The following STARD13 variants were observed in gnomAD, a reference collection of about 807,000 sequenced individuals.
The protein encoded by STARD13 is stAR-related lipid transfer protein 13.
A neutral mutation model predicts 106.4 loss-of-function variants in STARD13; 62 were observed. The ratio of observed to expected loss-of-function variants is 0.58; its 90% CI spans 0.48 to 0.72. The LOEUF (loss-of-function observed/expected upper bound fraction) is 0.72, where lower values mean the gene tolerates loss of function less well. STARD13 is among the 30% of genes least tolerant of loss of function. The pLI is 0.00. For missense variants in STARD13, 1,387 were observed against 1,424.0 expected (o/e 0.97, Z 0.42); for synonymous variants, 565 against 553.0 (o/e 1.02, Z -0.31).
chr13:33,269,847 T>C (rs1227540935), intron 1 of STARD13, among the ~76,000 whole-genome samples: 1 of 152,200 alleles, frequency 6.6e-6, no homozygotes, highest in Non-Finnish European at 1.5e-5. Flanking sequence ...TAATTAATTA[T>C]ATACATTCGC....
chr13:33,111,741 G>T, intron 10 of STARD13, 37 bp downstream of exon 10: 1 of 1,262,664 alleles, frequency 7.9e-7, no homozygotes, highest in Non-Finnish European at 1.2e-6. Flanking sequence ...AGTTCCAAGA[G>T]CTACTAGGGA....
chr13:33,395,745 A>T, the STARD13 span, among the ~76,000 whole-genome samples: 4 of 152,224 alleles, frequency 2.6e-5, no homozygotes, highest in Admixed American at 2.6e-4. Flanking sequence ...ACTATTTATT[A>T]ATAAGTTTAT....
At chr13:33,197,409 A>T (rs1886702502) in intron 1 of STARD13, among the ~76,000 whole-genome samples, 1 of 119,160 alleles carries the variant, frequency 8.4e-6, no homozygotes, top group Non-Finnish European at 1.7e-5. Context: ...TAGACAAAGG[A>T]AGAGAGTTGT....
chr13:33,108,328 T>C (rs1220696419), intron 12 of STARD13, among the ~76,000 whole-genome samples: 2 of 152,200 alleles, frequency 1.3e-5, no homozygotes, highest in Non-Finnish European at 2.9e-5. Context: ...ATTCCTGTTG[T>C]TGGGAACCAG....
At chr13:33,248,197 C>T (rs906739567) in intron 1 of STARD13, among the ~76,000 whole-genome samples, 2 of 151,932 alleles carry the variant, frequency 1.3e-5, no homozygotes, top group East Asian at 3.9e-4. Context: ...TCCAGGAGTT[C>T]AAGACCAGCC....
At chr13:33,220,087 T>C (rs1379997981) in intron 1 of STARD13, among the ~76,000 whole-genome samples, 1 of 152,224 alleles carries the variant, frequency 6.6e-6, no homozygotes, top group South Asian at 2.1e-4. Context: ...AGGGATGTTT[T>C]TCTGTTTTGG....
intron 1 of STARD13, among the ~76,000 whole-genome samples, chr13:33,192,871 G>A (rs559227072): frequency 2.6e-5 from 4 of 151,966 alleles, no homozygotes; most frequent in African/African-American, 4.8e-5. Flanking sequence ...GCACTCCAGC[G>A]TGGGCAAAAA....
intron 1 of STARD13, among the ~76,000 whole-genome samples, chr13:33,307,491 G>A (rs1215199090): frequency 2.6e-5 from 4 of 152,140 alleles, no homozygotes; most frequent in Admixed American, 1.3e-4. Context: ...AAAAAGAAAC[G>A]AGATCATGTC....
At chr13:33,425,427 C>T in the STARD13 span, among the ~76,000 whole-genome samples, 32 of 152,268 alleles carry the variant, frequency 2.1e-4, no homozygotes, top group Non-Finnish European at 3.4e-4. Flanking sequence ...CCCTGAAGGG[C>T]CAGGGTGCTC....
chr13:33,555,582 CCT>C, the STARD13 span, among the ~76,000 whole-genome samples: 1 of 152,148 alleles, frequency 6.6e-6, no homozygotes, highest in Non-Finnish European at 1.5e-5. Context: ...GCTGTTCGTT[CCT>C]CTGTAGTCCA....
At chr13:33,371,833 A>G in the STARD13 span, among the ~76,000 whole-genome samples, 1 of 152,246 alleles carries the variant, frequency 6.6e-6, no homozygotes, top group African/African-American at 2.4e-5. Flanking sequence ...ATACAATACC[A>G]TATTTCTTCT....
the STARD13 span, among the ~76,000 whole-genome samples, chr13:33,440,221 G>C: frequency 6.6e-6 from 1 of 151,236 alleles, no homozygotes; most frequent in African/African-American, 2.4e-5. Context: ...AGAGGTTGCA[G>C]TGAACCGTGA....
At chr13:33,106,324 G>A (rs1241780504) in intron 13 of STARD13, among the ~76,000 whole-genome samples, 1 of 152,220 alleles carries the variant, frequency 6.6e-6, no homozygotes, top group Non-Finnish European at 1.5e-5. Flanking sequence ...GGGAGGCTGA[G>A]GAGGGAGGAT....
the STARD13 span, among the ~76,000 whole-genome samples, chr13:33,366,895 T>TG: frequency 6.6e-6 from 1 of 152,246 alleles, no homozygotes; most frequent in Non-Finnish European, 1.5e-5. The surrounding 1 kb of genome is among the most constrained non-coding windows in gnomAD (Gnocchi z 4.2). Flanking sequence ...AGCTTATTGC[T>TG]GGGGGTTCAA....
At chr13:33,125,009 G>C (rs1876948577) in intron 7 of STARD13, among the ~76,000 whole-genome samples, 1 of 152,128 alleles carries the variant, frequency 6.6e-6, no homozygotes, top group Non-Finnish European at 1.5e-5. Context: ...GGGACAAAGG[G>C]GAACACACAT....
At chr13:33,557,855 A>G in the STARD13 span, among the ~76,000 whole-genome samples, 62 of 152,332 alleles carry the variant, frequency 4.1e-4, 1 homozygote, top group South Asian at 7.9e-3. Flanking sequence ...CTCAGAGGCC[A>G]TAGAGAATTT....
At chr13:33,374,645 A>T in the STARD13 span, among the ~76,000 whole-genome samples, 1 of 152,160 alleles carries the variant, frequency 6.6e-6, no homozygotes, top group Admixed American at 6.5e-5. Flanking sequence ...TTCATGGAGT[A>T]TATAGTTGCT....
the STARD13 span, among the ~76,000 whole-genome samples, chr13:33,557,653 T>A: frequency 2.0e-5 from 3 of 152,246 alleles, no homozygotes; most frequent in Non-Finnish European, 4.4e-5. Flanking sequence ...ATTTTTTAAC[T>A]GTTTTTATTG....
the STARD13 span, among the ~76,000 whole-genome samples, chr13:33,540,185 A>ATGCACGAATTTCT: frequency 6.6e-5 from 10 of 152,308 alleles, no homozygotes; most frequent in African/African-American, 2.2e-4. Context: ...TAAATATATT[A>ATGCACGAATTTCT]TGCACGAATT....
Sources: gnomAD v4.1 joint callset for allele counts (sites outside exome capture counted in the v4.1 genomes callset) on GRCh38, gnomAD v4.1.1 for gene constraint, Gnocchi (gnomAD v3.1) non-coding constraint, MANE v1.5 for transcripts, NCBI Gene and HGNC (gene_info 2026-07-23, HGNC 2026-07-21) for gene names.